The following STX18 variants were observed in gnomAD, a reference collection of about 807,000 sequenced individuals.
STX18 encodes the protein syntaxin 18, also known as syntaxin-18.
A neutral mutation model predicts 50.1 loss-of-function variants in STX18; 40 were observed. That is an observed-to-expected ratio of 0.80 (90% CI 0.62 to 1.04). STX18 has a LOEUF of 1.04. Ranked by LOEUF, STX18 falls within the 50% of genes least tolerant of loss-of-function variation. STX18 has a pLI of 0.00. For missense variants in STX18, 410 were observed against 415.8 expected (o/e 0.99, Z 0.12); for synonymous variants, 158 against 151.8 (o/e 1.04, Z -0.30).
chr4:4,467,296 CA>C (rs1196283511), intron 2 of STX18, among the ~76,000 whole-genome samples: 1 of 152,132 alleles, frequency 6.6e-6, no homozygotes, highest in East Asian at 1.9e-4. Context: ...ACATTTGTTT[CA>C]AAGTTAAACT....
At chr4:4,474,893 T>C (rs895671203) in intron 1 of STX18, among the ~76,000 whole-genome samples, 17 of 152,248 alleles carry the variant, frequency 1.1e-4, no homozygotes, top group African/African-American at 4.1e-4. Flanking sequence ...TAAATCTGTG[T>C]TGTTGTAAGC....
intron 1 of STX18, among the ~76,000 whole-genome samples, chr4:4,532,066 TA>T (rs1478283694): frequency 2.0e-5 from 3 of 152,220 alleles, no homozygotes; most frequent in Non-Finnish European, 2.9e-5. Context: ...TACATACTGA[TA>T]TTTAAAAATT....
At chr4:4,468,945 T>G (rs529579649) in intron 2 of STX18, among the ~76,000 whole-genome samples, 16 of 152,074 alleles carry the variant, frequency 1.1e-4, no homozygotes, top group Non-Finnish European at 2.2e-4. Context: ...TTAAAAATAA[T>G]AAAGCAACAG....
At chr4:4,479,180 C>T (rs1728341110) in intron 1 of STX18, among the ~76,000 whole-genome samples, 1 of 152,180 alleles carries the variant, frequency 6.6e-6, no homozygotes, top group Middle Eastern at 3.2e-3. Flanking sequence ...AATCTAAATG[C>T]TATGCATCCG....
At chr4:4,450,249 A>G (rs910002218) in intron 5 of STX18, among the ~76,000 whole-genome samples, 1 of 152,198 alleles carries the variant, frequency 6.6e-6, no homozygotes, top group Non-Finnish European at 1.5e-5. Context: ...CCAATCTTTC[A>G]TTTCCACCCA....
At chr4:4,480,050 T>C (rs1272678523) in intron 1 of STX18, among the ~76,000 whole-genome samples, 6 of 152,348 alleles carry the variant, frequency 3.9e-5, no homozygotes, top group East Asian at 1.9e-4. Flanking sequence ...GTGACCCATA[T>C]GCGTGAAACA....
chr4:4,425,535 C>T, intron 7 of STX18: 1 of 491,880 alleles, frequency 2.0e-6, no homozygotes, highest in Non-Finnish European at 3.7e-6. Context: ...GATCCCACGG[C>T]CTGCTTCCTG....
rs935791764 is a variant in STX18 at position 4,541,926 on chromosome 4, G to C, written c.39C>G (p.Val13=). ...VDITLLFRAS[V]KTVKTRNKAL... ...CCTTGTTCCGCGTCTTCACGGTCTT[G>C]ACGCTGGCCCGGAATAGCAGCGTGA... The change falls in exon 1 of 11, where the codon GTC becomes GTG. Residue 13 remains valine (V), a synonymous_variant. Transcript: ENST00000306200. 2.5e-6 allele frequency: 4 copies of C among 1,609,360 alleles called. No individual in the cohort carries two copies. Among genetic ancestry groups the C allele is most frequent in the Non-Finnish European group, 3.4e-6 (4 of 1,178,526 alleles).
intron 1 of STX18, among the ~76,000 whole-genome samples, chr4:4,502,946 C>T (rs1285965360): frequency 6.6e-6 from 1 of 152,168 alleles, no homozygotes; most frequent in African/African-American, 2.4e-5. Flanking sequence ...GATATAAAAA[C>T]CTCAAACAAA....
chr4:4,523,614 C>A (rs756140492), intron 1 of STX18, among the ~76,000 whole-genome samples: 10 of 152,302 alleles, frequency 6.6e-5, no homozygotes, highest in Non-Finnish European at 1.3e-4. Flanking sequence ...CCCAGCTCTT[C>A]TCAAATATAT....
At chr4:4,469,931 C>G (rs1334846785) in intron 2 of STX18, among the ~76,000 whole-genome samples, 1 of 152,170 alleles carries the variant, frequency 6.6e-6, no homozygotes, top group African/African-American at 2.4e-5. Flanking sequence ...GCCTTCCTGA[C>G]TACTCTGTGT....
chr4:4,540,697 G>T (rs1040967285), intron 1 of STX18, among the ~76,000 whole-genome samples: 7 of 152,196 alleles, frequency 4.6e-5, no homozygotes, highest in Admixed American at 4.6e-4. Context: ...TGGTCAGAAG[G>T]TAGGTGCTTC....
intron 1 of STX18, among the ~76,000 whole-genome samples, chr4:4,473,483 C>T (rs1239144101): frequency 2.6e-5 from 4 of 151,828 alleles, no homozygotes; most frequent in Non-Finnish European, 4.4e-5. Flanking sequence ...TTAATAGAGA[C>T]GGGGTTTCAC....
At chr4:4,445,790 T>G (rs918921804) in intron 5 of STX18, among the ~76,000 whole-genome samples, 1 of 152,236 alleles carries the variant, frequency 6.6e-6, no homozygotes, top group African/African-American at 2.4e-5. Context: ...ATAATCCCTA[T>G]AAACATTCTA....
chr4:4,420,479 T>C lies in STX18; in HGVS notation c.913-350A>G, dbSNP rs1192736777. On this transcript the variant is annotated intron_variant, in intron 10 of 10. Coordinates refer to ENST00000306200, the MANE Select transcript of STX18 (RefSeq NM_016930.4). The surrounding 1 kb of genome is among the most constrained non-coding windows in gnomAD (Gnocchi z 4.3). Reference sequence around the variant, plus strand: ...GGTGACCCAACCCTGAGGACTGAGCTTGGGAAACAGTCCCCTCAACAGGAT... The same window carrying C: ...GGTGACCCAACCCTGAGGACTGAGCCTGGGAAACAGTCCCCTCAACAGGAT... The C allele has an allele frequency of 2.6e-6, 1 of 391,188 alleles. No individual in the cohort carries two copies. The highest frequency in any genetic ancestry group is 4.7e-6 in the Non-Finnish European group (1 of 213,554). The allele number at this position is 391,188 out of a possible 1,614,324, so 24.2% of individuals were successfully genotyped here.
chr4:4,421,069 A>G, intron 9 of STX18, 125 bp from the exon 10 acceptor site: 1 of 894,162 alleles, frequency 1.1e-6, no homozygotes, highest in Non-Finnish European at 1.8e-6. Context: ...ATTTTGGAGC[A>G]CTTAGGACTT....
intron 1 of STX18, among the ~76,000 whole-genome samples, chr4:4,510,420 T>G (rs1729941819): frequency 6.6e-6 from 1 of 152,238 alleles, no homozygotes; most frequent in South Asian, 2.1e-4. Flanking sequence ...AGATCCTCCT[T>G]GTCAAGTTAT....
At chr4:4,434,991 G>A in intron 6 of STX18, 133 bp from the exon 7 acceptor site, 2 of 651,342 alleles carry the variant, frequency 3.1e-6, no homozygotes, top group South Asian at 2.2e-5. Flanking sequence ...ATGATCTTTG[G>A]GCTAATATTC....
chr4:4,451,277 A>G (rs760531267), intron 5 of STX18, among the ~76,000 whole-genome samples: 28 of 152,240 alleles, frequency 1.8e-4, no homozygotes, highest in Non-Finnish European at 4.0e-4. Flanking sequence ...ATAAAGAGAC[A>G]GAAGAGAGAC....
Sources: gnomAD v4.1 joint callset for allele counts (sites outside exome capture counted in the v4.1 genomes callset) on GRCh38, gnomAD v4.1.1 for gene constraint, Gnocchi (gnomAD v3.1) non-coding constraint, MANE v1.5 for transcripts, NCBI Gene and HGNC (gene_info 2026-07-23, HGNC 2026-07-21) for gene names.